SLC11A2: variants seen among roughly 807,000 people sequenced by gnomAD.
SLC11A2 encodes the protein solute carrier family 11 member 2.
A neutral mutation model predicts 68.0 loss-of-function variants in SLC11A2; 38 were observed. The ratio of observed to expected loss-of-function variants is 0.56; its 90% CI spans 0.43 to 0.73. SLC11A2 has a LOEUF of 0.73. SLC11A2 is among the 30% of genes least tolerant of loss of function. The pLI, the probability that SLC11A2 is intolerant of heterozygous loss-of-function variation, is 0.00. For missense variants in SLC11A2, 517 were observed against 690.5 expected (o/e 0.75, Z 2.82); for synonymous variants, 242 against 250.6 (o/e 0.97, Z 0.32).
intron 11 of SLC11A2, among the ~76,000 whole-genome samples, chr12:50,993,596 G>GC (rs1468524568): frequency 6.6e-6 from 1 of 151,784 alleles, no homozygotes; most frequent in Admixed American, 6.6e-5. Flanking sequence ...GAGGCCGAGG[G>GC]GGGGGTGGAT....
intron 3 of SLC11A2, chr12:51,008,229 GATAGAT>G (rs1160454499): frequency 2.1e-5 from 6 of 292,336 alleles, no homozygotes; most frequent in African/African-American, 1.2e-4. Flanking sequence ...TAGACAGATA[GATAGAT>G]AGATAGATAG....
chr12:50,999,490 A>G, intron 6 of SLC11A2, 75 bp from the exon 7 acceptor site: 2 of 1,190,872 alleles, frequency 1.7e-6, no homozygotes, highest in South Asian at 2.4e-5. Flanking sequence ...TCTTCCCAAC[A>G]GCTCTCCAGA....
In SLC11A2 at chr12:51,000,261, T is replaced by C. The variant is rs1004800875; in HGVS notation, c.536+52A>G. ...TGAATTGGGTTTTTGTTTTTATCTC[T>C]GCTTGGAAATCCAGCAAAACACTGA... On this transcript the variant is annotated intron_variant, in intron 6 of 15. Transcript: ENST00000262052. The C allele has an allele frequency of 2.0e-5, 26 of 1,327,966 alleles. No individual in the cohort carries two copies. In the Admixed American group the frequency reaches 2.3e-4, roughly 12 times the overall value. The allele number at this position is 1,327,966 out of a possible 1,614,324, so 82.3% of individuals were successfully genotyped here. A position where few individuals can be genotyped will look rare whatever the true frequency, so the allele number is the denominator to read the frequency against.
chr12:51,021,741 C>T (rs1425837753), intron 1 of SLC11A2, among the ~76,000 whole-genome samples: 1 of 151,778 alleles, frequency 6.6e-6, no homozygotes, highest in Non-Finnish European at 1.5e-5. Context: ...TTGAGACCAT[C>T]TTAAGATAAA....
In SLC11A2 at chr12:50,988,319, C is replaced by A; in HGVS notation, c.*6G>T. 6.2e-7 allele frequency: 1 copy of A among 1,613,936 alleles called. No individual in the cohort carries two copies. Among genetic ancestry groups the A allele is most frequent in the Non-Finnish European group, 8.5e-7 (1 of 1,179,848 alleles). On this transcript the variant is annotated 3_prime_UTR_variant, in exon 16 of 16. Transcript: ENST00000262052. ...GGCTACCTGCAGAAGACAGACTAATCCAGTGTTATTTAACGTAGCCACGGG... is the reference window on the plus strand; with the variant it reads ...GGCTACCTGCAGAAGACAGACTAATACAGTGTTATTTAACGTAGCCACGGG...
intron 1 of SLC11A2, among the ~76,000 whole-genome samples, chr12:51,013,717 T>C (rs1341435501): frequency 6.6e-6 from 1 of 151,772 alleles, no homozygotes; most frequent in African/African-American, 2.4e-5. Flanking sequence ...CCAGCCTGGG[T>C]GACACAGCGA....
chr12:50,984,462 A>G (rs979826906), downstream of SLC11A2, among the ~76,000 whole-genome samples: 4 of 152,222 alleles, frequency 2.6e-5, no homozygotes, highest in African/African-American at 7.2e-5. Flanking sequence ...AGACTTCTTC[A>G]ATACGTAGTA....
chr12:50,955,977 T>G, the SLC11A2 span, among the ~76,000 whole-genome samples: 1 of 152,174 alleles, frequency 6.6e-6, no homozygotes, highest in Non-Finnish European at 1.5e-5. Flanking sequence ...AGACACTATA[T>G]GGAAAACAGT....
At chr12:50,966,902 G>A in the SLC11A2 span, among the ~76,000 whole-genome samples, 147 of 152,186 alleles carry the variant, frequency 9.7e-4, no homozygotes, top group African/African-American at 3.4e-3. Context: ...GATCATTTGA[G>A]GTCAGGAGTT....
At chr12:50,952,578 G>C in the SLC11A2 span, among the ~76,000 whole-genome samples, 1 of 152,174 alleles carries the variant, frequency 6.6e-6, no homozygotes, top group South Asian at 2.1e-4. Context: ...CAGCCTCTCG[G>C]GTCTCCACAG....
chr12:51,021,533 AGGAGAATCGCTTGAGCCT>A (rs1944042995), intron 1 of SLC11A2, among the ~76,000 whole-genome samples: 1 of 151,872 alleles, frequency 6.6e-6, no homozygotes, highest in Admixed American at 6.6e-5. Context: ...AGGCTGAGGC[AGGAGAATCGCTTGAGCCT>A]GGGAGGCAGA....
At chr12:50,997,053 C>T in intron 8 of SLC11A2, 81 bp from the exon 9 acceptor site, 1 of 1,087,704 alleles carries the variant, frequency 9.2e-7, no homozygotes, top group East Asian at 2.4e-5. Flanking sequence ...AGTTAGCATC[C>T]TTTATCCCTT....
In SLC11A2 at chr12:51,005,304, T is replaced by C. The variant is rs1401696849; in HGVS notation, c.309+7A>G. The stretch of plus-strand genomic sequence containing the variant: ...TTAAAAGGACAGGGGTAGGACTAGA[T>C]GTTCACCTTAAATCCAGCCACTGCT... On this transcript the variant is annotated splice_region_variant and intron_variant, in intron 4 of 15. Coordinates refer to ENST00000262052, the MANE Select transcript of SLC11A2 (RefSeq NM_000617.3). 1.2e-6 allele frequency: 2 copies of C among 1,613,820 alleles called. No homozygotes were observed. The highest frequency in any genetic ancestry group is 2.2e-5 in the East Asian group (1 of 44,876).
chr12:50,992,654 C>T (rs1204351257), intron 12 of SLC11A2, among the ~76,000 whole-genome samples, 156 bp downstream of exon 12: 1 of 150,850 alleles, frequency 6.6e-6, no homozygotes, highest in African/African-American at 2.4e-5. Flanking sequence ...ATCACTTGAA[C>T]CCGGGAGGTG....
At chr12:51,018,551 T>C (rs1217941949) in intron 1 of SLC11A2, among the ~76,000 whole-genome samples, 2 of 151,942 alleles carry the variant, frequency 1.3e-5, no homozygotes, top group African/African-American at 2.4e-5. Context: ...TCCTAGCATT[T>C]TGGAAGGCCA....
At chr12:50,975,768 G>A (rs1939840099), downstream of SLC11A2, among the ~76,000 whole-genome samples, 1 of 152,076 alleles carries the variant, frequency 6.6e-6, no homozygotes, top group Non-Finnish European at 1.5e-5. Context: ...GAAGAAAAGA[G>A]AGAAGAATCA....
chr12:51,026,172 C>T (rs1214004891), intron 1 of SLC11A2, 138 bp downstream of exon 1: 3 of 1,171,542 alleles, frequency 2.6e-6, no homozygotes, highest in Non-Finnish European at 3.2e-6. Flanking sequence ...CCACACCTCC[C>T]CTCACAGCCC....
upstream of SLC11A2, among the ~76,000 whole-genome samples, chr12:51,027,917 TGG>T (rs3840801): frequency 3.3e-4 from 6 of 18,308 alleles, no homozygotes; most frequent in East Asian, 0.027. Context: ...CAAAAAAAAG[TGG>T]GGGGGGGGGG....
chr12:51,017,020 A>C (rs1056990635), intron 1 of SLC11A2, among the ~76,000 whole-genome samples: 2 of 152,074 alleles, frequency 1.3e-5, no homozygotes, highest in African/African-American at 4.8e-5. Context: ...CTCAAAAAAA[A>C]AGTGTTGTAA....
Sources: allele counts gnomAD v4.1 joint callset (sites outside exome capture counted in the v4.1 genomes callset), GRCh38; gene constraint gnomAD v4.1.1; transcripts MANE v1.5; gene names NCBI Gene and HGNC (gene_info 2026-07-23, HGNC 2026-07-21).